Variants in NCOA6 observed in about 807,000 individuals in gnomAD.
The protein encoded by NCOA6 is NRC RAP250.
In NCOA6, 49 loss-of-function variants were observed where a neutral mutation model predicts 171.4. The ratio of observed to expected loss-of-function variants is 0.29; its 90% CI spans 0.23 to 0.36. The LOEUF is 0.36. Ranked by LOEUF, NCOA6 falls within the 10% of genes least tolerant of loss-of-function variation. The pLI is 1.00. For synonymous variants in NCOA6, 910 were observed against 927.5 expected, an observed-to-expected ratio of 0.98 and a Z score of 0.34; for missense variants, 2,248 against 2,554.5, an observed-to-expected ratio of 0.88 and a Z score of 2.59.
intron 6 of NCOA6, 22 bp downstream of exon 6, chr20:34,758,783 C>T: frequency 1.2e-6 from 2 of 1,610,102 alleles, no homozygotes; most frequent in Non-Finnish European, 1.7e-6. Flanking sequence ...ACTCTTCATC[C>T]TCAAAGATTG....
At chr20:34,757,162 T>C in intron 7 of NCOA6, 58 bp downstream of exon 7, 1 of 1,474,492 alleles carries the variant, frequency 6.8e-7, no homozygotes, top group South Asian at 1.4e-5. Flanking sequence ...AAACTGAAGT[T>C]CTACTAAGAT....
At chr20:34,802,742 A>AT (rs1389289376) in intron 1 of NCOA6, among the ~76,000 whole-genome samples, 2 of 152,238 alleles carry the variant, frequency 1.3e-5, no homozygotes, top group African/African-American at 2.4e-5. Context: ...TAATTACATT[A>AT]TTTTAAAATT....
chr20:34,799,958 C>A (rs1321853538), intron 1 of NCOA6, among the ~76,000 whole-genome samples: 1 of 152,104 alleles, frequency 6.6e-6, no homozygotes, highest in Non-Finnish European at 1.5e-5. Context: ...TATTATAACA[C>A]TGTAATTGTA....
intron 8 of NCOA6, among the ~76,000 whole-genome samples, chr20:34,752,033 T>A (rs1283334484): frequency 1.3e-5 from 2 of 152,184 alleles, no homozygotes; most frequent in Non-Finnish European, 2.9e-5. Flanking sequence ...AATTTTTGTA[T>A]TTTCAGTAGA....
chr20:34,724,617 A>C (rs1429604578), intron 14 of NCOA6, among the ~76,000 whole-genome samples: 1 of 152,182 alleles, frequency 6.6e-6, no homozygotes, highest in Non-Finnish European at 1.5e-5. Flanking sequence ...CTCATTCTTC[A>C]GGTCTCAGCT....
intron 1 of NCOA6, among the ~76,000 whole-genome samples, chr20:34,809,009 C>T (rs1413670384): frequency 6.6e-6 from 1 of 152,152 alleles, no homozygotes; most frequent in East Asian, 1.9e-4. Context: ...TCTCTGAGAT[C>T]GTAAGGTAGC....
intron 1 of NCOA6, among the ~76,000 whole-genome samples, chr20:34,810,621 T>A (rs1234931837): frequency 1.3e-5 from 2 of 152,052 alleles, no homozygotes; most frequent in African/African-American, 4.8e-5. Flanking sequence ...AGTGGTGCAA[T>A]CTCGGCTCAC....
In NCOA6 at chr20:34,781,759, T is replaced by C. The variant is rs1184545751; in HGVS notation, c.235+362A>G. ...TATTATAAGCAGATTCATGGAATAA[T>C]AAGTTTTCTAAGCTTTAAGGGTCCT... On this transcript the variant is annotated intron_variant, in intron 3 of 14. Coordinates refer to ENST00000359003, the MANE Select transcript of NCOA6 (RefSeq NM_014071.5). 2.0e-5 allele frequency among the ~76,000 whole-genome samples: 3 copies of C among 152,336 alleles called. No homozygotes were observed. In the East Asian group the frequency reaches 5.8e-4, roughly 29 times the overall value.
At position 34,741,288 on chromosome 20, in the gene NCOA6, A is replaced by C; in HGVS notation, c.4968T>G (p.Ile1656Met). Residue 1656 changes from isoleucine (I) to methionine (M), a missense_variant, in exon 11 of 15, where the codon ATT (isoleucine) becomes ATG (methionine). Ile to Met is a conservative substitution (Grantham distance 10, BLOSUM62 1). Coordinates refer to ENST00000359003, the MANE Select transcript of NCOA6 (RefSeq NM_014071.5). The stretch of plus-strand genomic sequence containing the variant: ...AGGATGAATTGATAAAGACAGGTGT[A>C]ATGAACTGAGGCCGGGCATTAGACT... ...AAQSNARPQF[I>M]TPVFINSSSI... 6.2e-7 allele frequency: 1 copy of C among 1,614,226 alleles called. No homozygotes were observed. Among genetic ancestry groups the C allele is most frequent in the Non-Finnish European group, 8.5e-7 (1 of 1,180,044 alleles).
At chr20:34,748,875 G>C (rs1201448937) in intron 9 of NCOA6, among the ~76,000 whole-genome samples, 4 of 152,192 alleles carry the variant, frequency 2.6e-5, no homozygotes, top group African/African-American at 9.6e-5. Context: ...TGGCCTCTCT[G>C]GTTCCCCAAT....
intron 2 of NCOA6, among the ~76,000 whole-genome samples, chr20:34,783,626 G>C (rs1156672722): frequency 2.0e-5 from 3 of 152,060 alleles, no homozygotes; most frequent in South Asian, 2.1e-4. Context: ...ATACAACATT[G>C]ATTGATTGAT....
intron 8 of NCOA6, among the ~76,000 whole-genome samples, chr20:34,753,250 T>C (rs554281364): frequency 3.0e-4 from 45 of 151,416 alleles, no homozygotes; most frequent in Admixed American, 2.5e-3. Context: ...TTTTACCACG[T>C]TGGTCAGGAT....
chr20:34,748,988 A>G (rs1455326413), intron 9 of NCOA6, among the ~76,000 whole-genome samples: 1 of 152,220 alleles, frequency 6.6e-6, no homozygotes, highest in Non-Finnish European at 1.5e-5. Flanking sequence ...CTGTAAAATT[A>G]AGAGATATAC....
intron 5 of NCOA6, among the ~76,000 whole-genome samples, chr20:34,766,796 C>A (rs2145944516): frequency 6.6e-6 from 1 of 152,236 alleles, no homozygotes. Flanking sequence ...GATTAGAACC[C>A]AGATTTCCTG....
chr20:34,782,170 T>C lies in NCOA6; in HGVS notation c.186A>G (p.Lys62=). The C allele has an allele frequency of 6.2e-7, 1 of 1,610,734 alleles. No individual in the cohort carries two copies. The highest frequency in any genetic ancestry group is 1.3e-5 in the African/African-American group (1 of 74,984). Residue 62 remains lysine, a synonymous_variant, in exon 3 of 15, where the codon AAA becomes AAG. Transcript: ENST00000359003. ...FKGNIDDKDF[K]WKLDAILKNV... is the part of the protein sequence containing the mutation. ...TTTTCAATATTGCATCTAATTTCCA[T>C]TTGAAGTCTTTATCATCTATATTTC...
intron 4 of NCOA6, among the ~76,000 whole-genome samples, chr20:34,773,266 G>T (rs1235939315): frequency 6.6e-6 from 1 of 152,200 alleles, no homozygotes; most frequent in African/African-American, 2.4e-5. Context: ...CTACTCTTTA[G>T]ATCACCATGA....
chr20:34,756,055 CA>C (rs2145797975), intron 7 of NCOA6, among the ~76,000 whole-genome samples: 1 of 152,182 alleles, frequency 6.6e-6, no homozygotes, highest in East Asian at 1.9e-4. Context: ...TTTTAAGGGC[CA>C]AATTTTCAAT....
At position 34,742,137 on chromosome 20, in the gene NCOA6, A is replaced by G; in HGVS notation, c.4119T>C (p.Asn1373=). ...CCAGAGGAGTGGGACTGACCAATAC[A>G]TTTCTCGGCAACTCCACATTCTGCA... ...ALLQNVELPR[N]VLVSPTPLAN... The change falls in exon 11 of 15, where the codon AAT becomes AAC. Residue 1373 remains asparagine (N), a synonymous_variant. Coordinates refer to ENST00000359003, the MANE Select transcript of NCOA6 (RefSeq NM_014071.5). The G allele has an allele frequency of 1.2e-6, 2 of 1,614,060 alleles. No homozygotes were observed. Among genetic ancestry groups the G allele is most frequent in the African/African-American group, 1.3e-5 (1 of 74,976 alleles).
rs775428616 is a variant in NCOA6 at position 34,741,608 on chromosome 20, G to T, written c.4648C>A (p.Pro1550Thr). 6 of 1,614,190 alleles carry T rather than the reference G, an allele frequency of 3.7e-6. No homozygotes were observed. The highest frequency in any genetic ancestry group is 1.7e-5 in the Admixed American group (1 of 60,014). Residue 1550 changes from proline (P) to threonine (T), a missense_variant, in exon 11 of 15, where the codon CCT (proline) becomes ACT (threonine). By Grantham distance (38) the Pro-to-Thr change is conservative (BLOSUM62 -1). This residue lies in a region of NCOA6 where 884 missense variants were observed against 941.9 expected (regional missense o/e 0.94). Coordinates refer to ENST00000359003, the MANE Select transcript of NCOA6 (RefSeq NM_014071.5). Reference protein sequence around the residue: ...SKEPSNSLNLPHSNELCSSLV... With the variant: ...SKEPSNSLNLTHSNELCSSLV... ...GATGAACACAGCTCATTACTGTGAG[G>T]TAAGTTTAGGGAATTAGAAGGTTCT...
Sources: gnomAD v4.1 joint callset for allele counts (sites outside exome capture counted in the v4.1 genomes callset) on GRCh38, gnomAD v4.1.1 for gene constraint, gnomAD v4.1.1 regional missense constraint, MANE v1.5 for transcripts, NCBI Gene and HGNC (gene_info 2026-07-23, HGNC 2026-07-21) for gene names.